Variants in PCSK5 observed in about 807,000 individuals in gnomAD.
PCSK5 encodes proprotein convertase subtilisin/kexin type 5.
In PCSK5, 129 loss-of-function variants were observed where a neutral mutation model predicts 233.2. The observed-to-expected ratio is 0.55, with a 90% CI of 0.48 to 0.64. The LOEUF (loss-of-function observed/expected upper bound fraction) is 0.64. Ranked by LOEUF, PCSK5 falls within the 30% of genes least tolerant of loss-of-function variation. The pLI is 0.00. For synonymous variants in PCSK5, 825 were observed against 879.2 expected (o/e 0.94, Z 1.09); for missense variants, 2,076 against 2,430.1 (o/e 0.85, Z 3.06).
chr9:76,319,060 A>T (rs1008103171), intron 30 of PCSK5, among the ~76,000 whole-genome samples: 1 of 152,206 alleles, frequency 6.6e-6, no homozygotes, highest in African/African-American at 2.4e-5. Context: ...TTGAGGACAC[A>T]TGCCCATGAC....
Position 75,953,083 on chromosome 9 carries a change from A to C in PCSK5, c.297+20600A>C, listed in dbSNP as rs540559746. Among the ~76,000 whole-genome samples the C allele has an allele frequency of 3.1e-4, 47 of 152,236 alleles. No homozygotes were observed. In the South Asian group the frequency reaches 9.5e-3, roughly 31 times the overall value. On this transcript the variant is annotated intron_variant, in intron 2 of 37. Transcript: ENST00000674117. ...TACATTGTGTATTTTGACTTTGGGAACCTGAAAAAATATCCTTAATTGCTA... is the reference window on the plus strand; with the variant it reads ...TACATTGTGTATTTTGACTTTGGGACCCTGAAAAAATATCCTTAATTGCTA...
chr9:76,277,942 C>T (rs75365408), intron 24 of PCSK5, among the ~76,000 whole-genome samples: 15,533 of 152,170 alleles, frequency 0.1, 903 homozygotes, highest in African/African-American at 0.17. Context: ...ATTTGTACAG[C>T]GTTGCTCAGT....
At chr9:76,351,761 A>G (rs1830174052) in intron 36 of PCSK5, among the ~76,000 whole-genome samples, 1 of 149,958 alleles carries the variant, frequency 6.7e-6, no homozygotes, top group Non-Finnish European at 1.5e-5. Flanking sequence ...TCTTTGAGAC[A>G]GGGTCTCACT....
At chr9:76,095,018 G>A (rs1248853538) in intron 7 of PCSK5, among the ~76,000 whole-genome samples, 2 of 152,106 alleles carry the variant, frequency 1.3e-5, no homozygotes, top group African/African-American at 4.8e-5. Flanking sequence ...AAATATGTTT[G>A]GAAAAATTAT....
intron 4 of PCSK5, among the ~76,000 whole-genome samples, chr9:76,025,237 G>A (rs1027332503): frequency 1.3e-5 from 2 of 152,050 alleles, no homozygotes; most frequent in African/African-American, 4.8e-5. Flanking sequence ...TTGAAATTAG[G>A]AATAATAATA....
chr9:76,144,781 A>T lies in PCSK5; in HGVS notation c.1312+10569A>T, dbSNP rs570158741. On this transcript the variant is annotated intron_variant, in intron 10 of 37. Transcript: ENST00000674117. ...ATTGCTTCAGTCTTGATACCCACAG[A>T]ACCTGTTTCTTCATTGGCAAAATAA... 3.2e-3 allele frequency among the ~76,000 whole-genome samples: 491 copies of T among 152,328 alleles called. 3 individuals carry two copies. The highest frequency in any genetic ancestry group is 0.011 in the African/African-American group (458 of 41,564).
intron 29 of PCSK5, among the ~76,000 whole-genome samples, chr9:76,310,173 G>A (rs1276951633): frequency 4.6e-5 from 7 of 151,978 alleles, no homozygotes; most frequent in South Asian, 2.1e-4. Flanking sequence ...GCTTGAACCC[G>A]GGAGGCGGAG....
chr9:76,201,273 C>T (rs1178112618), intron 20 of PCSK5, among the ~76,000 whole-genome samples: 2 of 152,186 alleles, frequency 1.3e-5, no homozygotes, highest in African/African-American at 4.8e-5. Flanking sequence ...TAGCACTTCC[C>T]TTCCCTAACA....
intron 3 of PCSK5, among the ~76,000 whole-genome samples, chr9:76,011,991 T>C (rs1323117719): frequency 2.0e-5 from 3 of 152,232 alleles, no homozygotes; most frequent in African/African-American, 7.2e-5. Flanking sequence ...CTTATTTGCC[T>C]ACTTGTTTAG....
Position 76,184,692 on chromosome 9 carries a change from A to T in PCSK5, c.2217A>T (p.Lys739Asn). ...YQDTKKNLCR[K>N]CSENCKTCTE... ...TAACAGAGAAAAATCTTTGCCGGAAATGCAGTGAAAACTGCAAGACATGTA... is the reference window on the plus strand; with the variant it reads ...TAACAGAGAAAAATCTTTGCCGGAATTGCAGTGAAAACTGCAAGACATGTA... Residue 739 changes from lysine (K) to asparagine (N), a missense_variant, in exon 17 of 38, where the codon AAA becomes AAT. Physicochemically the swap from Lys to Asn is moderately conservative, Grantham distance 94 (BLOSUM62 0). Transcript: ENST00000674117. 6.2e-7 allele frequency: 1 copy of T among 1,610,208 alleles called. No homozygotes were observed. Among genetic ancestry groups the T allele is most frequent in the East Asian group, 2.2e-5 (1 of 44,760 alleles).
At chr9:76,329,917 T>C (rs1021403645) in intron 33 of PCSK5, among the ~76,000 whole-genome samples, 1 of 151,982 alleles carries the variant, frequency 6.6e-6, no homozygotes, top group Non-Finnish European at 1.5e-5. Context: ...AGTTGCAGAG[T>C]GTGCATGCTT....
At chr9:75,961,328 ATTGGTGCCAAGAGTAAT>A (rs1333936313) in intron 2 of PCSK5, among the ~76,000 whole-genome samples, 1 of 152,222 alleles carries the variant, frequency 6.6e-6, no homozygotes, top group Non-Finnish European at 1.5e-5. Flanking sequence ...CTTTCAGTCA[ATTGGTGCCAAGAGTAAT>A]TTCCTTACAC....
chr9:75,948,310 G>GC (rs1255264409), intron 2 of PCSK5, among the ~76,000 whole-genome samples: 16 of 46,292 alleles, frequency 3.5e-4, no homozygotes, highest in South Asian at 2.8e-3. Flanking sequence ...CCCTCCCCTC[G>GC]CCCCCCCACC....
chr9:75,905,194 G>A (rs1166081001), intron 1 of PCSK5, among the ~76,000 whole-genome samples: 1 of 152,020 alleles, frequency 6.6e-6, no homozygotes, highest in Admixed American at 6.6e-5. Flanking sequence ...GAGATTTTTT[G>A]GGAGGTGATG....
chr9:76,143,333 C>T (rs1252062278), intron 10 of PCSK5, among the ~76,000 whole-genome samples: 1 of 152,052 alleles, frequency 6.6e-6, no homozygotes, highest in Non-Finnish European at 1.5e-5. Context: ...AAAAGCAAAG[C>T]TACTTGAATC....
At chr9:76,049,832 T>C (rs529949832) in intron 5 of PCSK5, among the ~76,000 whole-genome samples, 10 of 152,238 alleles carry the variant, frequency 6.6e-5, no homozygotes, top group Non-Finnish European at 1.2e-4. Flanking sequence ...TATAATATCA[T>C]CTTTCTCCAT....
At chr9:75,913,357 C>T (rs1030980237) in intron 1 of PCSK5, among the ~76,000 whole-genome samples, 6 of 152,172 alleles carry the variant, frequency 3.9e-5, no homozygotes, top group Non-Finnish European at 8.8e-5. Flanking sequence ...CAGTCATTTG[C>T]ACTTGAGGTA....
At chr9:76,048,524 A>G (rs1352066250) in intron 5 of PCSK5, among the ~76,000 whole-genome samples, 1 of 152,112 alleles carries the variant, frequency 6.6e-6, no homozygotes, top group Non-Finnish European at 1.5e-5. Context: ...GTTTAAATAT[A>G]TTTTGCATTT....
At chr9:76,324,812 G>A (rs952189782) in intron 32 of PCSK5, among the ~76,000 whole-genome samples, 32 of 152,054 alleles carry the variant, frequency 2.1e-4, no homozygotes, top group Admixed American at 4.6e-4. Flanking sequence ...GATTCACTCT[G>A]TTGAGGCAGC....
Sources: allele counts gnomAD v4.1 joint callset (sites outside exome capture counted in the v4.1 genomes callset), GRCh38; gene constraint gnomAD v4.1.1; transcripts MANE v1.5; gene names NCBI Gene and HGNC (gene_info 2026-07-23, HGNC 2026-07-21).